Variants in ANK3 observed in about 807,000 individuals in gnomAD.
ANK3 encodes ankyrin 3, also known as ankyrin-3.
In ANK3, 57 loss-of-function variants were observed where a neutral mutation model predicts 370.9. That is an observed-to-expected ratio of 0.15 (90% CI 0.12 to 0.19). The LOEUF (loss-of-function observed/expected upper bound fraction) is 0.19, where lower values mean the gene tolerates loss of function less well. Among genes scored for constraint, ANK3 ranks in the 10% least tolerant of loss-of-function variants. ANK3 has a pLI of 1.00. For synonymous variants in ANK3, 1,929 were observed against 1,946.3 expected (o/e 0.99, Z 0.23); for missense variants, 4,439 against 5,302.1 (o/e 0.84, Z 5.06).
At chr10:60,453,189 C>T (rs1189586000) in intron 2 of ANK3, among the ~76,000 whole-genome samples, 1 of 152,122 alleles carries the variant, frequency 6.6e-6, no homozygotes, top group Non-Finnish European at 1.5e-5. Context: ...ACCTCTCAGC[C>T]CATTTAATCC....
chr10:60,200,362 G>T, intron 12 of ANK3, 135 bp from the exon 13 acceptor site: 2 of 721,984 alleles, frequency 2.8e-6, no homozygotes, highest in Non-Finnish European at 4.9e-6. Flanking sequence ...GAAAAGATAG[G>T]AAATCAAATG....
At chr10:60,715,269 G>A (rs1334146865) in intron 1 of ANK3, among the ~76,000 whole-genome samples, 1 of 149,354 alleles carries the variant, frequency 6.7e-6, no homozygotes, top group Non-Finnish European at 1.5e-5. Flanking sequence ...TGTAAAGTTC[G>A]TGAAAGCAAA....
intron 1 of ANK3, among the ~76,000 whole-genome samples, chr10:60,379,215 A>T (rs190306029): frequency 6.6e-6 from 1 of 152,160 alleles, no homozygotes; most frequent in Admixed American, 6.6e-5. Context: ...AATAAAAATA[A>T]CAAATGCTGG....
chr10:60,412,803 C>T (rs1301391338), intron 2 of ANK3, among the ~76,000 whole-genome samples: 1 of 152,192 alleles, frequency 6.6e-6, no homozygotes, highest in Non-Finnish European at 1.5e-5. Flanking sequence ...TCTTTAATGA[C>T]AATCAGAACT....
In ANK3 at chr10:60,140,394, T is replaced by G. The variant is rs761167760; in HGVS notation, c.2615-1307A>C. On this transcript the variant is annotated intron_variant, in intron 23 of 43. Transcript: ENST00000280772. ...TCCACTAGGCTTGGATGATCAAATGTTTTCCTGATGTTTCCAGGAATTCCT... is the reference window on the plus strand; with the variant it reads ...TCCACTAGGCTTGGATGATCAAATGGTTTCCTGATGTTTCCAGGAATTCCT... The G allele has an allele frequency of 7.4e-6, 12 of 1,613,654 alleles. No homozygotes were observed. The South Asian group carries it at 9.9e-5, about 13-fold the overall frequency.
intron 2 of ANK3, among the ~76,000 whole-genome samples, chr10:60,549,160 C>T: frequency 6.6e-6 from 1 of 151,850 alleles, no homozygotes. Flanking sequence ...CACACACACA[C>T]ACACACACAC....
At chr10:60,210,971 G>A (rs2096845528) in intron 9 of ANK3, among the ~76,000 whole-genome samples, 1 of 152,084 alleles carries the variant, frequency 6.6e-6, no homozygotes, top group Non-Finnish European at 1.5e-5. Context: ...CCGTCCATCT[G>A]ATGTTACTGA....
intron 2 of ANK3, among the ~76,000 whole-genome samples, chr10:60,551,505 A>G (rs900296021): frequency 6.6e-6 from 1 of 152,218 alleles, no homozygotes; most frequent in African/African-American, 2.4e-5. Context: ...AAACAATACT[A>G]TTAAGTTTCT....
At chr10:60,222,270 A>T (rs1030068233) in intron 8 of ANK3, among the ~76,000 whole-genome samples, 2 of 152,208 alleles carry the variant, frequency 1.3e-5, no homozygotes, top group African/African-American at 4.8e-5. Context: ...CTGCTGGGAC[A>T]TTGACAGGTC....
chr10:60,693,808 G>A (rs1369587918), intron 1 of ANK3, among the ~76,000 whole-genome samples: 1 of 152,200 alleles, frequency 6.6e-6, no homozygotes, highest in African/African-American at 2.4e-5. Context: ...GAAAAACAGA[G>A]CAGAAAAACT....
chr10:60,642,756 T>C (rs1564472218), intron 1 of ANK3, among the ~76,000 whole-genome samples: 1 of 152,102 alleles, frequency 6.6e-6, no homozygotes, highest in Non-Finnish European at 1.5e-5. Flanking sequence ...TGTGCACATG[T>C]ACCCTAAAAC....
intron 1 of ANK3, among the ~76,000 whole-genome samples, chr10:60,717,056 T>G (rs1219796669): frequency 1.3e-5 from 2 of 152,210 alleles, no homozygotes; most frequent in Non-Finnish European, 2.9e-5. Flanking sequence ...ATTTTTTTAT[T>G]AAGCCGGTAT....
At chr10:60,140,195 G>T in intron 23 of ANK3, 1 of 780,794 alleles carries the variant, frequency 1.3e-6, no homozygotes, top group Non-Finnish European at 2.1e-6. Context: ...GTCAACTACT[G>T]TTTTTGCAAA....
intron 28 of ANK3, among the ~76,000 whole-genome samples, chr10:60,092,047 A>C (rs559985271): frequency 6.6e-6 from 1 of 152,190 alleles, no homozygotes; most frequent in Non-Finnish European, 1.5e-5. Context: ...ATATTTTTAT[A>C]AGAAATATGT....
chr10:60,050,107 GA>G (rs2077648067), intron 42 of ANK3, among the ~76,000 whole-genome samples: 1 of 152,118 alleles, frequency 6.6e-6, no homozygotes, highest in Non-Finnish European at 1.5e-5. Context: ...CAAAAACTCA[GA>G]AAAACAGAAT....
rs118052400 is a variant in ANK3 at position 60,140,288 on chromosome 10, A to G, written c.2615-1201T>C. 5.8e-3 allele frequency: 8,742 copies of G among 1,514,102 alleles called. 31 individuals carry two copies. Among genetic ancestry groups the G allele is most frequent in the Non-Finnish European group, 7.3e-3 (7,996 of 1,089,360 alleles). The allele number at this position is 1,514,102 out of a possible 1,614,324, so 93.8% of individuals were successfully genotyped here. ...TTAAGTAACTATTTACGGCTGGGCT[A>G]TTTGCACATTCACTGCATCTCAAAC... On this transcript the variant is annotated intron_variant, in intron 23 of 43. Transcript: ENST00000280772.
Position 60,074,961 on chromosome 10 carries a change from G to A in ANK3, c.5920C>T (p.Pro1974Ser), listed in dbSNP as rs139774460. 2 of 1,614,058 alleles carry A rather than the reference G, an allele frequency of 1.2e-6. No homozygotes were observed. Among genetic ancestry groups the A allele is most frequent in the Non-Finnish European group, 1.7e-6 (2 of 1,179,986 alleles). The stretch of plus-strand genomic sequence containing the variant: ...CCTTTGTCACTCTTTGGTGATTTGG[G>A]TGATCCTTTATTATCTACACATACA... ...KDVCVDNKGS[P>S]KSPKSDKGHS... Residue 1974 changes from proline to serine, a missense_variant, in exon 37 of 44, where the codon CCC becomes TCC. Pro to Ser is a moderately conservative substitution (Grantham distance 74). Around this residue, in one of 13 missense-constraint regions of ANK3, gnomAD observed 679 missense variants for 791.0 expected, o/e 0.86. Transcript: ENST00000280772.
rs764792586 is a variant in ANK3 at position 60,070,161 on chromosome 10, G to A, written c.10720C>T (p.Arg3574Cys). 31 of 1,613,972 alleles carry A rather than the reference G, an allele frequency of 1.9e-5. No individual in the cohort carries two copies. The highest frequency in any genetic ancestry group is 1.6e-4 in the Middle Eastern group (1 of 6,084). The change falls in exon 37 of 44, where the codon CGC becomes TGC. Residue 3574 changes from arginine (R) to cysteine (C), a missense_variant. By Grantham distance (180) the Arg-to-Cys change is radical. Around this residue, in one of 13 missense-constraint regions of ANK3, gnomAD observed 1,601 missense variants for 1,731.7 expected, o/e 0.92. Coordinates refer to ENST00000280772, the MANE Select transcript of ANK3 (RefSeq NM_020987.5). The surrounding 1 kb of genome is among the most constrained non-coding windows in gnomAD (Gnocchi z 5.7). ...GTATCAGGGGTTGTTGCTGGAGAGC[G>A]GTCTTCTACCGCCAGCCCAAATGGC... is the stretch of plus-strand genomic sequence containing the variant. ...TKPFGLAVED[R>C]SPATTPDTTP...
intron 2 of ANK3, among the ~76,000 whole-genome samples, chr10:60,567,721 G>A (rs2133260336): frequency 6.6e-6 from 1 of 152,314 alleles, no homozygotes; most frequent in Non-Finnish European, 1.5e-5. Flanking sequence ...TTTTGGAAAG[G>A]ATTCACTATT....
Sources: gnomAD v4.1 joint callset for allele counts (sites outside exome capture counted in the v4.1 genomes callset) on GRCh38, gnomAD v4.1.1 for gene constraint, gnomAD v4.1.1 regional missense constraint, Gnocchi (gnomAD v3.1) non-coding constraint, MANE v1.5 for transcripts, NCBI Gene and HGNC (gene_info 2026-07-23, HGNC 2026-07-21) for gene names.